The following ARSD variants were observed in gnomAD, a reference collection of about 807,000 sequenced individuals.
ARSD encodes arylsulfatase D.
A neutral mutation model predicts 32.6 loss-of-function variants in ARSD; 21 were observed. That is an observed-to-expected ratio of 0.64 (90% confidence interval 0.46 to 0.93). ARSD has a LOEUF of 0.93. ARSD is among the 40% of genes least tolerant of loss of function. The pLI is 0.00. For missense variants in ARSD, 454 were observed against 520.9 expected (o/e 0.87, Z 1.25); for synonymous variants, 224 against 237.4 (o/e 0.94, Z 0.52).
At chrX:2,914,256 G>T (rs757180170) in intron 6 of ARSD, 4 of 723,739 alleles carry the variant, frequency 5.5e-6, no homozygotes, top group Non-Finnish European at 3.3e-6. Flanking sequence ...TGGAGACAGG[G>T]TCTTGCTATG....
rs775123896 is a variant in ARSD, at chrX:2,917,769, C to A, written c.863+35G>T. 3.4e-6 allele frequency: 4 copies of A among 1,168,833 alleles called. No homozygotes were observed. In the African/African-American group the frequency reaches 7.1e-5, roughly 21 times the overall value. On this transcript the variant is annotated intron_variant, in intron 5 of 9. Coordinates refer to ENST00000381154, the MANE Select transcript of ARSD (RefSeq NM_001669.4). ...GACAGGCATGAGCCATCGCGTCCGG[C>A]CCCATCTCCTCTTTAAGATGCGATG...
intron 6 of ARSD, among the ~76,000 whole-genome samples, chrX:2,912,055 G>T (rs940348426): frequency 3.6e-5 from 4 of 111,808 alleles, no homozygotes; most frequent in African/African-American, 1.3e-4. Flanking sequence ...TGGGAGGATT[G>T]CCTGAGCCTG....
At chrX:2,911,758 G>C (rs2088904909) in intron 6 of ARSD, among the ~76,000 whole-genome samples, 1 of 110,621 alleles carries the variant, frequency 9.0e-6, no homozygotes, top group Non-Finnish European at 1.9e-5. Context: ...GGGGCGGGGG[G>C]AGTGGTGGAC....
In ARSD at chrX:2,905,151, C is replaced by T. The variant is rs2088843635; in HGVS notation, c.*2120G>A. The T allele has an allele frequency of 3.1e-6, 1 of 319,134 alleles. No individual in the cohort carries two copies. The highest frequency in any genetic ancestry group is 1.0e-4 in the East Asian group (1 of 9,746). 26.3% of individuals were successfully genotyped at this position (319,134 alleles called of 1,213,427 possible). A position where few individuals can be genotyped will look rare whatever the true frequency, so the allele number is the denominator to read the frequency against. ...TGATGATTCTTCTACCTATGACTCT[C>T]AGTGCTGTTGCCTCTTCCTCTGGAT... On this transcript the variant is annotated 3_prime_UTR_variant, in exon 10 of 10. Transcript: ENST00000381154.
At position 2,905,780 on chromosome X, in the gene ARSD, T is replaced by C. The variant is rs1423595858; in HGVS notation, c.*1491A>G. The stretch of plus-strand genomic sequence containing the variant: ...GTTTTCCTGCTGACCAACCTAATTC[T>C]GGTTTCATACAGGGCAGCCAGGTGC... On this transcript the variant is annotated 3_prime_UTR_variant, in exon 10 of 10. Transcript: ENST00000381154. 1 of 113,023 alleles carries C rather than the reference T, an allele frequency of 8.8e-6. No individual in the cohort carries two copies. Among genetic ancestry groups the C allele is most frequent in the Non-Finnish European group, 1.9e-5 (1 of 53,396 alleles). The allele number at this position is 113,023 out of a possible 1,213,427, so 9.3% of individuals were successfully genotyped here.
At chrX:2,928,035 C>G (rs1196504911) in intron 1 of ARSD, among the ~76,000 whole-genome samples, 1 of 111,749 alleles carries the variant, frequency 8.9e-6, no homozygotes, top group Non-Finnish European at 1.9e-5. Flanking sequence ...TTGCTTCATT[C>G]TTTCTTTGCT....
chrX:2,918,308 G>A (rs111614007), intron 4 of ARSD, 81 bp from the exon 5 acceptor site: 3 of 985,135 alleles, frequency 3.0e-6, no homozygotes, highest in Non-Finnish European at 4.0e-6. Flanking sequence ...ATCATTCCGC[G>A]TCGGCAGGAA....
intron 6 of ARSD, among the ~76,000 whole-genome samples, chrX:2,912,278 C>T (rs888919652): frequency 8.9e-6 from 1 of 112,037 alleles, no homozygotes; most frequent in Non-Finnish European, 1.9e-5. Flanking sequence ...TATCATAACC[C>T]AGACATTCCC....
intron 2 of ARSD, among the ~76,000 whole-genome samples, chrX:2,924,181 C>T (rs910353984): frequency 3.5e-5 from 4 of 112,806 alleles, no homozygotes; most frequent in Admixed American, 1.9e-4. Flanking sequence ...TACAGGCATG[C>T]GCCACCACAC....
At chrX:2,921,880 T>C (rs1178795808) in intron 3 of ARSD, 23 bp downstream of exon 3, 2 of 1,203,925 alleles carry the variant, frequency 1.7e-6, no homozygotes, top group Non-Finnish European at 2.2e-6. Flanking sequence ...TACCCATTTC[T>C]CCATCATCTC....
chrX:2,908,212 C>T (rs1350652858), intron 9 of ARSD, among the ~76,000 whole-genome samples: 1 of 109,758 alleles, frequency 9.1e-6, no homozygotes, highest in African/African-American at 3.4e-5. Flanking sequence ...TTCATCCATC[C>T]ATGAACTGAT....
At position 2,918,554 on chromosome X, in the gene ARSD, T is replaced by G. The variant is rs757442492; in HGVS notation, c.440-327A>C. Among the ~76,000 whole-genome samples, 12 of 110,114 alleles carry G rather than the reference T, an allele frequency of 1.1e-4. No individual in the cohort carries two copies. In the East Asian group the frequency reaches 3.5e-3, roughly 32 times the overall value. On this transcript the variant is annotated intron_variant, in intron 4 of 9. Transcript: ENST00000381154. ...TCACGAGGTCAGGAAATCGAGACCA[T>G]CCTGGCTAACACGGTGAAACCCCGT...
rs2088837627 is a variant in ARSD, at chrX:2,904,399, G to A, written c.*2872C>T. The A allele has an allele frequency of 1.8e-5, 2 of 111,494 alleles. No individual in the cohort carries two copies. Among genetic ancestry groups the A allele is most frequent in the South Asian group, 7.7e-4 (2 of 2,612 alleles). The allele number at this position is 111,494 out of a possible 1,213,427, so 9.2% of individuals were successfully genotyped here. A position where few individuals can be genotyped will look rare whatever the true frequency, so the allele number is the denominator to read the frequency against. ...TCGTGTAGTTGGGCTCACTTGGAAG[G>A]TAATGGGAGGAGTTGGTGGCTGCTT... On this transcript the variant is annotated 3_prime_UTR_variant, in exon 10 of 10. Transcript: ENST00000381154.
chrX:2,920,366 C>CTTTTTTT, intron 4 of ARSD: 2 of 321,783 alleles, frequency 6.2e-6, no homozygotes, highest in Non-Finnish European at 1.1e-5. Flanking sequence ...AAAACGGGAT[C>CTTTTTTT]TTTTTTTTTT....
chrX:2,917,733 A>G, intron 5 of ARSD, 71 bp downstream of exon 5: 1 of 1,075,303 alleles, frequency 9.3e-7, no homozygotes, highest in Non-Finnish European at 1.2e-6. Context: ...GGCCTCCCGA[A>G]GTGCTAGGAT....
intron 5 of ARSD, 41 bp downstream of exon 5, chrX:2,917,763 G>C: frequency 8.6e-7 from 1 of 1,159,175 alleles, no homozygotes; most frequent in Non-Finnish European, 1.2e-6. Context: ...GAGCCATCGC[G>C]TCCGGCCCCA....
In ARSD at chrX:2,908,746, G is replaced by T. The variant is rs755116436; in HGVS notation, c.1395C>A (p.His465Gln). ...FLFHYCGQHL[H>Q]AARWHQKDSG... ...TGTCCTTCTGGTGCCAGCGTGCTGC[G>T]TGAAGATGCTGCCCACAGTAATGAA... Residue 465 changes from histidine (H) to glutamine (Q), a missense_variant, in exon 9 of 10, where the codon CAC becomes CAA. By Grantham distance (24) the His-to-Gln change is conservative (BLOSUM62 0). Transcript: ENST00000381154. The T allele has an allele frequency of 8.3e-7, 1 of 1,203,817 alleles. No individual in the cohort carries two copies. The highest frequency in any genetic ancestry group is 1.1e-6 in the Non-Finnish European group (1 of 891,927).
Position 2,906,616 on chromosome X carries a change from A to G in ARSD, c.*655T>C, listed in dbSNP as rs1267122722. 1 of 112,055 alleles carries G rather than the reference A, an allele frequency of 8.9e-6. No homozygotes were observed. Among genetic ancestry groups the G allele is most frequent in the Admixed American group, 9.5e-5 (1 of 10,561 alleles). 9.2% of individuals were successfully genotyped at this position (112,055 alleles called of 1,213,427 possible). On this transcript the variant is annotated 3_prime_UTR_variant, in exon 10 of 10. Coordinates refer to ENST00000381154, the MANE Select transcript of ARSD (RefSeq NM_001669.4). ...TGAGAGGCTCTAACTTTCCTCCGCT[A>G]TGTGAGAGTAGGAACAGACACTCCT...
rs372327138 is a variant in ARSD, at chrX:2,914,699, G to A, written c.1000+857C>T. ...TTGAAGGCCATAGAAGGAAGACAGC[G>A]TGTCTGCATTGTCCTGAACATTAAC... On this transcript the variant is annotated intron_variant, in intron 6 of 9. Coordinates refer to ENST00000381154, the MANE Select transcript of ARSD (RefSeq NM_001669.4). 1.3e-5 allele frequency: 13 copies of A among 1,025,581 alleles called. 1 individual carries two copies. The highest frequency in any genetic ancestry group is 1.0e-4 in the Admixed American group (4 of 40,009). 84.5% of individuals were successfully genotyped at this position (1,025,581 alleles called of 1,213,427 possible). A position where few individuals can be genotyped will look rare whatever the true frequency, so the allele number is the denominator to read the frequency against.
Sources: allele counts gnomAD v4.1 joint callset (sites outside exome capture counted in the v4.1 genomes callset), GRCh38; gene constraint gnomAD v4.1.1; transcripts MANE v1.5; gene names NCBI Gene and HGNC (gene_info 2026-07-23, HGNC 2026-07-21).